NFYA: variants seen among roughly 807,000 people sequenced by gnomAD.
NFYA encodes CAAT-box DNA binding protein subunit A.
A neutral mutation model predicts 52.8 loss-of-function variants in NFYA; 28 were observed. The observed-to-expected ratio is 0.53, with a 90% CI of 0.39 to 0.73. NFYA has a LOEUF of 0.73. NFYA is among the 30% of genes least tolerant of loss of function. NFYA has a pLI of 0.00. For synonymous variants in NFYA, 150 were observed against 150.7 expected (o/e 1.00, Z 0.03); for missense variants, 234 against 427.0 (o/e 0.55, Z 3.98).
chr6:41,083,515 G>C (rs905617681), intron 3 of NFYA, among the ~76,000 whole-genome samples: 2 of 152,176 alleles, frequency 1.3e-5, no homozygotes, highest in Non-Finnish European at 2.9e-5. Context: ...TAGCTTGAGA[G>C]ACTGTAGGGA....
At position 41,093,254 on chromosome 6, in the gene NFYA, A is replaced by G. The variant is rs186376711; in HGVS notation, c.888+169A>G. Among the ~76,000 whole-genome samples the G allele has an allele frequency of 3.0e-4, 46 of 152,362 alleles. No individual in the cohort carries two copies. The Middle Eastern group carries it at 0.01, about 34-fold the overall frequency. The stretch of plus-strand genomic sequence containing the variant: ...TTTGTTATTACTAATATGCAGCTGC[A>G]GTTATAATAACGAAAACAAACAGTG... On this transcript the variant is annotated intron_variant, in intron 8 of 9. Transcript: ENST00000341376.
At chr6:41,093,639 T>G (rs1326996428) in intron 8 of NFYA, among the ~76,000 whole-genome samples, 1 of 152,112 alleles carries the variant, frequency 6.6e-6, no homozygotes, top group African/African-American at 2.4e-5. Flanking sequence ...CCCAGCTTAT[T>G]TTTGTGTTTT....
rs774102414 is a variant in NFYA, at chr6:41,099,893, C to T, written c.*2483C>T. 1 of 151,994 alleles carries T rather than the reference C, an allele frequency of 6.6e-6. No individual in the cohort carries two copies. 9.4% of individuals were successfully genotyped at this position (151,994 alleles called of 1,614,324 possible). ...ACTATATCGAAGGTTTTTCCCCCAG[C>T]AGTATGGGGGCGTACAGGTGATCGA... On this transcript the variant is annotated 3_prime_UTR_variant, in exon 10 of 10. Transcript: ENST00000341376.
chr6:41,092,928 G>T lies in NFYA; in HGVS notation c.731G>T (p.Gly244Val), dbSNP rs750611060. Residue 244 changes from glycine (G) to valine (V), a missense_variant, in exon 8 of 10, where the codon GGC becomes GTC. This residue lies in a region of NFYA where 81 missense variants were observed against 210.5 expected (regional missense o/e 0.38). Transcript: ENST00000341376. ...TTCACACAGATGGTTCCTGGGGCTG[G>T]CTCTGTGCCTGCTATCCAAAGAATC... ...GGMVMMVPGA[G>V]SVPAIQRIPL... The T allele has an allele frequency of 6.2e-7, 1 of 1,613,454 alleles. No homozygotes were observed.
At chr6:41,093,679 C>G (rs1387371445) in intron 8 of NFYA, among the ~76,000 whole-genome samples, 1 of 152,186 alleles carries the variant, frequency 6.6e-6, no homozygotes, top group East Asian at 1.9e-4. Context: ...CCATGTTGGC[C>G]AGGCTGGTCT....
intron 4 of NFYA, 34 bp from the exon 5 acceptor site, chr6:41,089,545 G>A: frequency 6.4e-7 from 1 of 1,569,300 alleles, no homozygotes; most frequent in Non-Finnish European, 8.6e-7. Flanking sequence ...AGTGTCAGTA[G>A]AGTACAATCC....
chr6:41,088,284 G>C (rs571361332), intron 4 of NFYA, among the ~76,000 whole-genome samples: 4 of 151,724 alleles, frequency 2.6e-5, no homozygotes, highest in Admixed American at 1.3e-4. Context: ...TAAGCCAGGC[G>C]TGATGGCGGA....
intron 8 of NFYA, among the ~76,000 whole-genome samples, chr6:41,093,716 C>G (rs1764262039): frequency 1.3e-5 from 2 of 152,228 alleles, no homozygotes; most frequent in African/African-American, 2.4e-5. Context: ...GGTGATCCAC[C>G]TGCCTGGGCC....
At position 41,094,164 on chromosome 6, in the gene NFYA, T is replaced by A. The variant is rs115797986; in HGVS notation, c.889-232T>A. 7.6e-3 allele frequency among the ~76,000 whole-genome samples: 1,159 copies of A among 152,148 alleles called. 9 individuals carry two copies. The highest frequency in any genetic ancestry group is 0.019 in the African/African-American group (793 of 41,480). ...GTAGGTGGTAGTCTGTTATTTTTTTTAAAAAAAATTCATACTATAAGCATT... is the reference window on the plus strand; with the variant it reads ...GTAGGTGGTAGTCTGTTATTTTTTTAAAAAAAAATTCATACTATAAGCATT... On this transcript the variant is annotated intron_variant, in intron 8 of 9. Coordinates refer to ENST00000341376, the MANE Select transcript of NFYA (RefSeq NM_002505.5).
chr6:41,093,478 T>C (rs115678926), intron 8 of NFYA, among the ~76,000 whole-genome samples: 1 of 151,844 alleles, frequency 6.6e-6, no homozygotes, highest in African/African-American at 2.4e-5. Context: ...TTTCTTTTTT[T>C]TTTTTTTCCT....
rs1764481362 is a variant in NFYA, at chr6:41,100,900, C to T, written c.*3490C>T. The T allele has an allele frequency of 6.6e-6, 1 of 152,318 alleles. No homozygotes were observed. Among genetic ancestry groups the T allele is most frequent in the African/African-American group, 2.4e-5 (1 of 41,472 alleles). 9.4% of individuals were successfully genotyped at this position (152,318 alleles called of 1,614,324 possible). On this transcript the variant is annotated 3_prime_UTR_variant, in exon 10 of 10. Transcript: ENST00000341376. ...GTGGGGCGGCGACTGAAGTCGCTTC[C>T]GATTGGCGTTGTCCCAAGGAAGCCT... is the stretch of plus-strand genomic sequence containing the variant.
At chr6:41,083,675 C>T (rs769074283) in intron 3 of NFYA, among the ~76,000 whole-genome samples, 6 of 152,182 alleles carry the variant, frequency 3.9e-5, no homozygotes, top group Admixed American at 6.5e-5. Context: ...CCTCTCATTG[C>T]CTTCTCTCCA....
At chr6:41,096,855 C>T (rs1764371483) in intron 9 of NFYA, among the ~76,000 whole-genome samples, 1 of 152,196 alleles carries the variant, frequency 6.6e-6, no homozygotes, top group Admixed American at 6.5e-5. Context: ...GACCCTGACC[C>T]TAGTCCACGC....
rs369846492 is a variant in NFYA, at chr6:41,099,862, G to C, written c.*2452G>C. On this transcript the variant is annotated 3_prime_UTR_variant, in exon 10 of 10. Transcript: ENST00000341376. ...TAATAATGTCTTGATTTTTCTTTGG[G>C]ATTCAACTATATCGAAGGTTTTTCC... The C allele has an allele frequency of 6.6e-6, 1 of 151,984 alleles. No homozygotes were observed. The allele number at this position is 151,984 out of a possible 1,614,324, so 9.4% of individuals were successfully genotyped here.
intron 7 of NFYA, 58 bp from the exon 8 acceptor site, chr6:41,092,854 A>T: frequency 6.6e-7 from 1 of 1,525,746 alleles, no homozygotes; most frequent in Admixed American, 2.2e-5. Context: ...GAACCAAGAA[A>T]CTGTTTCTAT....
chr6:41,090,598 G>A lies in NFYA; in HGVS notation c.547+289G>A, dbSNP rs139175787. Among the ~76,000 whole-genome samples, 581 of 152,220 alleles carry A rather than the reference G, an allele frequency of 3.8e-3. 11 individuals are homozygous for A. The South Asian group carries it at 0.06, about 16-fold the overall frequency. On this transcript the variant is annotated intron_variant, in intron 6 of 9. Coordinates refer to ENST00000341376, the MANE Select transcript of NFYA (RefSeq NM_002505.5). Reference sequence around the variant, plus strand: ...GAAGAATAGAAATAGGGAGTTCATTGGTAAAGAGAGAAATAGATCAAAAAT... The same window carrying A: ...GAAGAATAGAAATAGGGAGTTCATTAGTAAAGAGAGAAATAGATCAAAAAT...
At chr6:41,089,114 G>T (rs1037084485) in intron 4 of NFYA, among the ~76,000 whole-genome samples, 3 of 152,062 alleles carry the variant, frequency 2.0e-5, no homozygotes, top group African/African-American at 7.2e-5. Context: ...CTCCCAAGTA[G>T]CTGGGATTAC....
chr6:41,087,152 C>T (rs1271395764), intron 4 of NFYA, among the ~76,000 whole-genome samples: 3 of 152,142 alleles, frequency 2.0e-5, no homozygotes, highest in Admixed American at 2.0e-4. Context: ...GAAATCCTAA[C>T]AGCCAATATA....
chr6:41,075,357 A>C (rs1763705217), intron 1 of NFYA: 1 of 152,220 alleles, frequency 6.6e-6, no homozygotes, highest in African/African-American at 2.4e-5. Flanking sequence ...GACCTGAAAT[A>C]GATGTTTTAA....
Sources: gnomAD v4.1 joint callset for allele counts (sites outside exome capture counted in the v4.1 genomes callset) on GRCh38, gnomAD v4.1.1 for gene constraint, gnomAD v4.1.1 regional missense constraint, MANE v1.5 for transcripts, NCBI Gene and HGNC (gene_info 2026-07-23, HGNC 2026-07-21) for gene names.